PRKD1: variants seen among roughly 807,000 people sequenced by gnomAD.
The protein encoded by PRKD1 is serine/threonine-protein kinase D1.
Under a neutral mutation model 95.9 loss-of-function variants are expected in PRKD1, and 63 were observed. That is an observed-to-expected ratio of 0.66 (90% CI 0.54 to 0.81). The LOEUF (loss-of-function observed/expected upper bound fraction) is 0.81, where lower values mean the gene tolerates loss of function less well. Ranked by LOEUF, PRKD1 falls within the 30% of genes least tolerant of loss-of-function variation. PRKD1 has a pLI of 0.00. For synonymous variants in PRKD1, 425 were observed against 423.1 expected, an observed-to-expected ratio of 1.00 and a Z score of -0.05; for missense variants, 1,048 against 1,165.3, an observed-to-expected ratio of 0.90 and a Z score of 1.47.
intron 4 of PRKD1, among the ~76,000 whole-genome samples, chr14:29,657,148 T>C (rs1881900285): frequency 1.3e-5 from 2 of 152,156 alleles, no homozygotes; most frequent in Admixed American, 1.3e-4. Context: ...GGTTGAAATA[T>C]AATTCAAAAG....
intron 1 of PRKD1, among the ~76,000 whole-genome samples, chr14:29,759,801 C>T (rs770838730): frequency 2.5e-4 from 38 of 152,136 alleles, no homozygotes; most frequent in Non-Finnish European, 4.9e-4. Context: ...AGTGAAAAAT[C>T]GTCAAATGAA....
intron 1 of PRKD1, among the ~76,000 whole-genome samples, chr14:29,733,366 CTG>C (rs1886552348): frequency 6.6e-6 from 1 of 152,060 alleles, no homozygotes; most frequent in Admixed American, 6.5e-5. Context: ...CCTCCAAGTG[CTG>C]GGATTACAGG....
intron 1 of PRKD1, among the ~76,000 whole-genome samples, chr14:29,914,811 C>T (rs1383455996): frequency 1.3e-5 from 2 of 150,614 alleles, no homozygotes; most frequent in African/African-American, 4.9e-5. Flanking sequence ...CTTGCTCTGT[C>T]GCCCAGGCTG....
At chr14:29,596,718 A>G (rs1432860771) in intron 16 of PRKD1, among the ~76,000 whole-genome samples, 2 of 152,188 alleles carry the variant, frequency 1.3e-5, no homozygotes, top group Non-Finnish European at 2.9e-5. Flanking sequence ...TAGCCATCAT[A>G]GTAACACCTA....
chr14:29,921,821 G>T (rs1271066579), intron 1 of PRKD1, among the ~76,000 whole-genome samples: 1 of 152,130 alleles, frequency 6.6e-6, no homozygotes, highest in African/African-American at 2.4e-5. Context: ...CATACACAGT[G>T]TACTTTTACT....
rs376843331 is a variant in PRKD1, at chr14:29,705,229, CATTTTT to C, written c.403+20301_403+20306del. Among the ~76,000 whole-genome samples, 151 of 152,190 alleles carry C rather than the reference CATTTTT, an allele frequency of 9.9e-4. 1 individual carries two copies. The highest frequency in any genetic ancestry group is 3.5e-3 in the African/African-American group (144 of 41,556). ...AAATAAATGTATTTGAGCTTCTTGACATTTTTATCCTTATATTCCACAGAACTTAAG... is the reference window on the plus strand; with the variant it reads ...AAATAAATGTATTTGAGCTTCTTGACATCCTTATATTCCACAGAACTTAAG... On this transcript the variant is annotated intron_variant, in intron 2 of 17. Transcript: ENST00000331968.
At chr14:29,909,224 G>A (rs558180008) in intron 1 of PRKD1, among the ~76,000 whole-genome samples, 2 of 152,188 alleles carry the variant, frequency 1.3e-5, no homozygotes, top group South Asian at 2.1e-4. Context: ...GGCCTCAGCT[G>A]TCTCCCCATG....
intron 1 of PRKD1, among the ~76,000 whole-genome samples, chr14:29,924,112 C>T (rs116275668): frequency 7.2e-5 from 11 of 152,036 alleles, no homozygotes; most frequent in African/African-American, 2.7e-4. Context: ...ACTAAATAAA[C>T]AAACATAATG....
At chr14:29,778,369 A>G (rs2139160012) in intron 1 of PRKD1, among the ~76,000 whole-genome samples, 1 of 152,212 alleles carries the variant, frequency 6.6e-6, no homozygotes, top group Non-Finnish European at 1.5e-5. Flanking sequence ...GAAAAGATCA[A>G]AAAAAATTGA....
At chr14:29,676,183 GTTTT>G (rs34953735) in intron 2 of PRKD1, among the ~76,000 whole-genome samples, 19 of 67,466 alleles carry the variant, frequency 2.8e-4, no homozygotes, top group African/African-American at 1.2e-3. Flanking sequence ...TTACGTTTTT[GTTTT>G]TTTTTTTTTT....
chr14:29,750,198 A>G (rs186863759), intron 1 of PRKD1, among the ~76,000 whole-genome samples: 62 of 152,298 alleles, frequency 4.1e-4, no homozygotes, highest in Non-Finnish European at 7.2e-4. Context: ...TCAACTATGA[A>G]TTTTTAAAAA....
At chr14:29,908,024 G>T (rs1296964011) in intron 1 of PRKD1, among the ~76,000 whole-genome samples, 2 of 151,640 alleles carry the variant, frequency 1.3e-5, no homozygotes, top group Non-Finnish European at 2.9e-5. Context: ...GAAACTGTTA[G>T]ATATATTTCA....
chr14:29,605,494 G>A (rs974521788), intron 13 of PRKD1, among the ~76,000 whole-genome samples: 1 of 152,006 alleles, frequency 6.6e-6, no homozygotes, highest in African/African-American at 2.4e-5. Flanking sequence ...ACGTTTATCG[G>A]GTGTGAATAT....
chr14:29,681,724 T>A (rs557302630), intron 2 of PRKD1, among the ~76,000 whole-genome samples: 1 of 152,178 alleles, frequency 6.6e-6, no homozygotes, highest in South Asian at 2.1e-4. Context: ...CACTTAAATA[T>A]CTTCAAATAA....
intron 1 of PRKD1, among the ~76,000 whole-genome samples, chr14:29,900,302 C>T (rs766126311): frequency 6.6e-6 from 1 of 152,206 alleles, no homozygotes; most frequent in African/African-American, 2.4e-5. Context: ...CACAATCAGA[C>T]TTCAAACCAG....
intron 16 of PRKD1, among the ~76,000 whole-genome samples, chr14:29,584,506 G>C (rs893275659): frequency 6.6e-6 from 1 of 151,842 alleles, no homozygotes; most frequent in Admixed American, 6.6e-5. Flanking sequence ...TTAGATTTTA[G>C]CTCCTTTAAG....
chr14:29,697,560 T>C (rs1006697529), intron 2 of PRKD1, among the ~76,000 whole-genome samples: 10 of 152,234 alleles, frequency 6.6e-5, no homozygotes, highest in Non-Finnish European at 1.0e-4. Context: ...CTTAGCAGTA[T>C]GTTAACCCAT....
At chr14:29,834,533 A>T (rs543157702) in intron 1 of PRKD1, among the ~76,000 whole-genome samples, 86 of 152,240 alleles carry the variant, frequency 5.6e-4, no homozygotes, top group African/African-American at 1.9e-3. Context: ...GAATTAACAA[A>T]AGCATACTCT....
intron 1 of PRKD1, among the ~76,000 whole-genome samples, chr14:29,877,400 A>G (rs1893340070): frequency 6.6e-6 from 1 of 152,228 alleles, no homozygotes; most frequent in Non-Finnish European, 1.5e-5. Flanking sequence ...CACCTTTGTC[A>G]GATGCATACT....
Sources: gnomAD v4.1 joint callset for allele counts (sites outside exome capture counted in the v4.1 genomes callset) on GRCh38, gnomAD v4.1.1 for gene constraint, MANE v1.5 for transcripts, NCBI Gene and HGNC (gene_info 2026-07-23, HGNC 2026-07-21) for gene names.